SNAPC1: variants seen among roughly 807,000 people sequenced by gnomAD.
The protein encoded by SNAPC1 is snRNA-activating protein complex subunit 1.
In SNAPC1, 42 loss-of-function variants were observed where a neutral mutation model predicts 50.1. The ratio of observed to expected loss-of-function variants is 0.84; its 90% CI spans 0.65 to 1.08. The LOEUF (loss-of-function observed/expected upper bound fraction) is 1.08, where lower values mean the gene tolerates loss of function less well. Ranked by LOEUF, SNAPC1 falls within the 50% of genes least tolerant of loss-of-function variation. The pLI, the probability that SNAPC1 is intolerant of heterozygous loss-of-function variation, is 0.00. For synonymous variants in SNAPC1, 164 were observed against 144.2 expected (o/e 1.14, Z -0.98); for missense variants, 477 against 427.3 (o/e 1.12, Z -1.02).
chr14:61,795,501 C>T lies in SNAPC1; in HGVS notation c.*518C>T, dbSNP rs1450079705. On this transcript the variant is annotated 3_prime_UTR_variant, in exon 10 of 10. Coordinates refer to ENST00000216294, the MANE Select transcript of SNAPC1 (RefSeq NM_003082.4). Reference sequence around the variant, plus strand: ...ATACATAAAACTTACATTCTCATAACGTGATTGATAACTTAGGAAGTTCAC... The same window carrying T: ...ATACATAAAACTTACATTCTCATAATGTGATTGATAACTTAGGAAGTTCAC... 1.4e-5 allele frequency: 2 copies of T among 145,162 alleles called. No homozygotes were observed. Among genetic ancestry groups the T allele is most frequent in the East Asian group, 1.9e-4 (1 of 5,140 alleles). The allele number at this position is 145,162 out of a possible 1,614,324, so 9.0% of individuals were successfully genotyped here. A position where few individuals can be genotyped will look rare whatever the true frequency, so the allele number is the denominator to read the frequency against.
intron 4 of SNAPC1, 102 bp downstream of exon 4, chr14:61,768,842 G>A: frequency 4.8e-6 from 3 of 619,462 alleles, no homozygotes; most frequent in Non-Finnish European, 8.6e-6. Context: ...TTTTTCTAAT[G>A]ATTTTAACCA....
At chr14:61,779,233 G>A (rs1284875651) in intron 7 of SNAPC1, among the ~76,000 whole-genome samples, 3 of 152,088 alleles carry the variant, frequency 2.0e-5, no homozygotes, top group Non-Finnish European at 4.4e-5. Context: ...CTGGAGTTCT[G>A]AAATTTCATT....
At chr14:61,778,595 A>G (rs1594647825) in intron 6 of SNAPC1, among the ~76,000 whole-genome samples, 4 of 152,330 alleles carry the variant, frequency 2.6e-5, no homozygotes, top group South Asian at 2.1e-4. Context: ...GCTTTCATTC[A>G]TACTGTCCTC....
intron 5 of SNAPC1, among the ~76,000 whole-genome samples, chr14:61,777,387 T>C (rs2045042390): frequency 6.6e-6 from 1 of 152,172 alleles, no homozygotes; most frequent in Admixed American, 6.5e-5. Flanking sequence ...TTTATGTATA[T>C]GTATATAGAC....
chr14:61,784,885 T>C (rs892022156), intron 8 of SNAPC1, among the ~76,000 whole-genome samples: 1 of 152,000 alleles, frequency 6.6e-6, no homozygotes. Flanking sequence ...AGATATGACA[T>C]CAGAAAGAGA....
intron 4 of SNAPC1, among the ~76,000 whole-genome samples, chr14:61,769,640 G>C (rs2044973908): frequency 6.6e-6 from 1 of 151,942 alleles, no homozygotes; most frequent in African/African-American, 2.4e-5. Context: ...CTGGTGATCT[G>C]CCCACCTCTG....
chr14:61,784,994 A>T (rs1172631691), intron 8 of SNAPC1, among the ~76,000 whole-genome samples: 1 of 152,230 alleles, frequency 6.6e-6, no homozygotes, highest in African/African-American at 2.4e-5. Context: ...TTAGGGAGGT[A>T]AGGGTGACCA....
At chr14:61,768,358 T>A (rs1273262174) in intron 3 of SNAPC1, among the ~76,000 whole-genome samples, 2 of 152,228 alleles carry the variant, frequency 1.3e-5, no homozygotes, top group Non-Finnish European at 2.9e-5. Flanking sequence ...ATTGAGACAC[T>A]AGGTTGAAGA....
chr14:61,774,703 G>A (rs1477308501), intron 4 of SNAPC1, among the ~76,000 whole-genome samples: 1 of 108,450 alleles, frequency 9.2e-6, no homozygotes, highest in East Asian at 2.7e-4. Flanking sequence ...CACTCTTGTT[G>A]CGCAGGCTGG....
At chr14:61,770,203 A>C (rs1027113454) in intron 4 of SNAPC1, among the ~76,000 whole-genome samples, 4 of 149,372 alleles carry the variant, frequency 2.7e-5, no homozygotes, top group Non-Finnish European at 5.9e-5. Context: ...TCTTAGATTT[A>C]CTCAAATGTT....
At position 61,795,089 on chromosome 14, in the gene SNAPC1, G is replaced by T; in HGVS notation, c.*106G>T. 1.4e-6 allele frequency: 1 copy of T among 702,966 alleles called. No individual in the cohort carries two copies. 43.5% of individuals were successfully genotyped at this position (702,966 alleles called of 1,614,324 possible). A position where few individuals can be genotyped will look rare whatever the true frequency, so the allele number is the denominator to read the frequency against. ...CTGCCAGTATTAAAAAAATCCTTCT[G>T]GGAATCTGTAGGTTATTTCTTGGAA... On this transcript the variant is annotated 3_prime_UTR_variant, in exon 10 of 10. Transcript: ENST00000216294.
Position 61,782,238 on chromosome 14 carries a change from A to G in SNAPC1, c.826-9A>G. The G allele has an allele frequency of 6.5e-7, 1 of 1,549,952 alleles. No homozygotes were observed. The highest frequency in any genetic ancestry group is 8.7e-7 in the Non-Finnish European group (1 of 1,151,372). On this transcript the variant is annotated splice_polypyrimidine_tract_variant and intron_variant, in intron 7 of 9. Coordinates refer to ENST00000216294, the MANE Select transcript of SNAPC1 (RefSeq NM_003082.4). ...TAATTTATTGGTTAATTGGATTGTAACTCTTAAGGCATCCAAATCAAGAAG... is the reference window on the plus strand; with the variant it reads ...TAATTTATTGGTTAATTGGATTGTAGCTCTTAAGGCATCCAAATCAAGAAG...
At chr14:61,788,498 A>G (rs888819987) in intron 8 of SNAPC1, among the ~76,000 whole-genome samples, 2 of 152,238 alleles carry the variant, frequency 1.3e-5, no homozygotes, top group African/African-American at 4.8e-5. Flanking sequence ...TAAATGAATA[A>G]GAAAAGGGCC....
At chr14:61,785,418 A>AT (rs1428424507) in intron 8 of SNAPC1, among the ~76,000 whole-genome samples, 2 of 152,184 alleles carry the variant, frequency 1.3e-5, no homozygotes, top group African/African-American at 4.8e-5. Flanking sequence ...CTCAAAAAAA[A>AT]AAGAGAGAGA....
At chr14:61,767,929 TC>T (rs889198243) in intron 3 of SNAPC1, among the ~76,000 whole-genome samples, 1 of 152,050 alleles carries the variant, frequency 6.6e-6, no homozygotes, top group African/African-American at 2.4e-5. Flanking sequence ...ACAGGCGCCC[TC>T]CACCACGCCT....
chr14:61,766,763 G>A, intron 1 of SNAPC1, 113 bp from the exon 2 acceptor site: 2 of 565,108 alleles, frequency 3.5e-6, no homozygotes, highest in Non-Finnish European at 6.1e-6. Context: ...AAAGAATCAG[G>A]TATGGAATCC....
chr14:61,778,055 C>CT lies in SNAPC1; in HGVS notation c.694-11dup. The CT allele has an allele frequency of 2.1e-6, 3 of 1,433,142 alleles. No homozygotes were observed. Among genetic ancestry groups the CT allele is most frequent in the Non-Finnish European group, 2.9e-6 (3 of 1,032,790 alleles). 88.8% of individuals were successfully genotyped at this position (1,433,142 alleles called of 1,614,324 possible). A position where few individuals can be genotyped will look rare whatever the true frequency, so the allele number is the denominator to read the frequency against. ...TGTATGTGTGTATGTGTGTATGTATCTTTTTTGCTCTTTTAGAATCCATCC... is the reference window on the plus strand; with the variant it reads ...TGTATGTGTGTATGTGTGTATGTATCTTTTTTTGCTCTTTTAGAATCCATCC... On this transcript the variant is annotated splice_polypyrimidine_tract_variant and intron_variant, in intron 5 of 9. Transcript: ENST00000216294.
intron 8 of SNAPC1, among the ~76,000 whole-genome samples, chr14:61,789,230 CAA>C (rs57065160): frequency 3.0e-4 from 31 of 104,824 alleles, no homozygotes; most frequent in Admixed American, 3.8e-4. Context: ...GACTCCATCT[CAA>C]AAAAAAAAAA....
chr14:61,777,693 C>T (rs948010684), intron 5 of SNAPC1, among the ~76,000 whole-genome samples: 2 of 151,938 alleles, frequency 1.3e-5, no homozygotes, highest in Non-Finnish European at 2.9e-5. Context: ...GATCCTCCCA[C>T]CTCAGCCTCC....
Sources: allele counts gnomAD v4.1 joint callset (sites outside exome capture counted in the v4.1 genomes callset), GRCh38; gene constraint gnomAD v4.1.1; transcripts MANE v1.5; gene names NCBI Gene and HGNC (gene_info 2026-07-23, HGNC 2026-07-21).